NUP210: variants seen among roughly 807,000 people sequenced by gnomAD.
NUP210 encodes nucleoporin 210, also known as nuclear pore membrane glycoprotein 210.
A neutral mutation model predicts 196.0 loss-of-function variants in NUP210; 151 were observed. That is an observed-to-expected ratio of 0.77 (90% CI 0.67 to 0.88). The LOEUF (loss-of-function observed/expected upper bound fraction) is 0.88, where lower values mean the gene tolerates loss of function less well. Among genes scored for constraint, NUP210 ranks in the 40% least tolerant of loss-of-function variants. NUP210 has a pLI of 0.00. For synonymous variants in NUP210, 1,070 were observed against 1,052.7 expected (o/e 1.02, Z -0.32); for missense variants, 2,314 against 2,493.7 (o/e 0.93, Z 1.53).
chr3:13,404,420 G>A (rs1266575908), intron 1 of NUP210, among the ~76,000 whole-genome samples: 1 of 152,156 alleles, frequency 6.6e-6, no homozygotes, highest in Non-Finnish European at 1.5e-5. Context: ...ACCAATATAG[G>A]TTGTTACACA....
At chr3:13,374,137 C>T (rs1178352522) in intron 11 of NUP210, among the ~76,000 whole-genome samples, 4 of 152,102 alleles carry the variant, frequency 2.6e-5, no homozygotes, top group Admixed American at 6.5e-5. Context: ...TACTCACCTG[C>T]TCACACTCAT....
At chr3:13,346,394 T>G (rs1347663992) in intron 20 of NUP210, among the ~76,000 whole-genome samples, 2 of 152,160 alleles carry the variant, frequency 1.3e-5, no homozygotes, top group Non-Finnish European at 2.9e-5. Flanking sequence ...GATTGACACA[T>G]GGGAGAATGT....
At chr3:13,381,274 G>A (rs537962610) in intron 6 of NUP210, among the ~76,000 whole-genome samples, 6 of 152,278 alleles carry the variant, frequency 3.9e-5, no homozygotes, top group East Asian at 1.9e-4. Context: ...AATGAGTAAG[G>A]CCCTTTTGGG....
rs12631796 is a variant in NUP210, at chr3:13,327,374, G to A, written c.4350C>T (p.Ser1450=). Residue 1450 remains serine (S), a synonymous_variant, in exon 32 of 40, where the codon AGC becomes AGT. Transcript: ENST00000254508. ...ACACACGGAGCAGTGTCAGGCCCAC[G>A]CTGACTGTGCGGACAACGCAGGTGT... The part of the protein sequence containing the change: ...TNNTCVVRTV[S]VGLTLLRVWD... The A allele has an allele frequency of 3.8e-5, 62 of 1,613,506 alleles. No homozygotes were observed. In the East Asian group the frequency reaches 8.5e-4, roughly 22 times the overall value.
At chr3:13,394,238 G>T (rs1359708044) in intron 3 of NUP210, among the ~76,000 whole-genome samples, 4 of 152,238 alleles carry the variant, frequency 2.6e-5, no homozygotes, top group African/African-American at 9.6e-5. Context: ...GATGGGATAA[G>T]GAAAGGTGAG....
chr3:13,382,991 A>C (rs559539142), intron 6 of NUP210, among the ~76,000 whole-genome samples: 1 of 152,192 alleles, frequency 6.6e-6, no homozygotes, highest in East Asian at 1.9e-4. Context: ...ATTAAAAAAA[A>C]AAAATTAGCC....
Position 13,404,083 on chromosome 3 carries a change from G to A in NUP210, c.168-4222C>T, listed in dbSNP as rs531620223. Among the ~76,000 whole-genome samples the A allele has an allele frequency of 3.1e-4, 47 of 152,370 alleles. 1 individual carries two copies. Among genetic ancestry groups the A allele is most frequent in the Middle Eastern group, 3.4e-3 (1 of 294 alleles). On this transcript the variant is annotated intron_variant, in intron 1 of 39. Transcript: ENST00000254508. The stretch of plus-strand genomic sequence containing the variant: ...GCTGGTTTTCCTGTGACCAGTGTGA[G>A]TGTTCCTTTCAGTTATCTGACTTCC...
intron 13 of NUP210, among the ~76,000 whole-genome samples, chr3:13,371,250 G>T (rs2124908992): frequency 6.6e-6 from 1 of 152,306 alleles, no homozygotes; most frequent in African/African-American, 2.4e-5. Context: ...TGTGACCTTA[G>T]GCAGCTACAG....
At chr3:13,413,327 G>A (rs1427611440) in intron 1 of NUP210, among the ~76,000 whole-genome samples, 1 of 151,900 alleles carries the variant, frequency 6.6e-6, no homozygotes, top group Non-Finnish European at 1.5e-5. Context: ...AAAGTTAGCC[G>A]GGCGTGGTGG....
intron 25 of NUP210, among the ~76,000 whole-genome samples, chr3:13,339,359 A>G (rs1697363246): frequency 6.6e-6 from 1 of 152,210 alleles, no homozygotes; most frequent in Non-Finnish European, 1.5e-5. Context: ...CACATCACAG[A>G]AGGCTCTTCT....
In NUP210 at chr3:13,323,688, C is replaced by T. The variant is rs976364840; in HGVS notation, c.4645-256G>A. ...CAGCAGCTGACTGGACGCTGAGCAG[C>T]GGGCCTGAATTCATTAATCGATCTG... On this transcript the variant is annotated intron_variant, in intron 33 of 39. Coordinates refer to ENST00000254508, the MANE Select transcript of NUP210 (RefSeq NM_024923.4). This position sits in a 1 kb window ranked among gnomAD's most constrained non-coding sequence, Gnocchi z 4.3. Among the ~76,000 whole-genome samples the T allele has an allele frequency of 7.9e-5, 12 of 152,330 alleles. No homozygotes were observed. Among genetic ancestry groups the T allele is most frequent in the Non-Finnish European group, 1.2e-4 (8 of 68,036 alleles).
intron 27 of NUP210, among the ~76,000 whole-genome samples, 193 bp downstream of exon 27, chr3:13,336,594 C>T (rs1224242100): frequency 6.6e-6 from 1 of 152,174 alleles, no homozygotes; most frequent in East Asian, 1.9e-4. Flanking sequence ...CCTACTCACC[C>T]CGTCTATGTG....
At chr3:13,318,561 G>C (rs1368847064) in intron 39 of NUP210, among the ~76,000 whole-genome samples, 1 of 152,160 alleles carries the variant, frequency 6.6e-6, no homozygotes, top group Non-Finnish European at 1.5e-5. Flanking sequence ...AGTACAGGCT[G>C]GGCACTGCAT....
At position 13,395,203 on chromosome 3, in the gene NUP210, C is replaced by T. The variant is rs557836727; in HGVS notation, c.436+2154G>A. 4.6e-5 allele frequency among the ~76,000 whole-genome samples: 7 copies of T among 152,264 alleles called. No homozygotes were observed. In the South Asian group the frequency reaches 1.0e-3, roughly 23 times the overall value. On this transcript the variant is annotated intron_variant, in intron 3 of 39. Transcript: ENST00000254508. ...GCTGAGGCAGGCACCTCCCCAATCCCGACATCCCCACCACCTACCTGGGGA... is the reference window on the plus strand; with the variant it reads ...GCTGAGGCAGGCACCTCCCCAATCCTGACATCCCCACCACCTACCTGGGGA...
At chr3:13,326,736 G>A (rs1696769090) in intron 32 of NUP210, among the ~76,000 whole-genome samples, 1 of 152,216 alleles carries the variant, frequency 6.6e-6, no homozygotes, top group South Asian at 2.1e-4. Flanking sequence ...TCACTAAAAT[G>A]GTGAATTCAG....
At chr3:13,399,609 C>A (rs1195989617) in intron 2 of NUP210, 116 bp downstream of exon 2, 5 of 1,410,594 alleles carry the variant, frequency 3.5e-6, no homozygotes, top group Non-Finnish European at 4.9e-6. Flanking sequence ...TGTCCTGCCA[C>A]TCAACAAGAG....
chr3:13,341,344 C>T (rs563678239), intron 23 of NUP210, among the ~76,000 whole-genome samples: 1 of 152,144 alleles, frequency 6.6e-6, no homozygotes, highest in Admixed American at 6.5e-5. Context: ...TGCCCACTGC[C>T]CTCGAAGTGC....
intron 20 of NUP210, chr3:13,344,867 G>C (rs1697659805): frequency 1.1e-6 from 1 of 939,972 alleles, no homozygotes; most frequent in Non-Finnish European, 1.3e-6. Context: ...CCACCTGCTG[G>C]CTCCAAGTCA....
At chr3:13,345,773 C>G (rs569606920) in intron 20 of NUP210, among the ~76,000 whole-genome samples, 38 of 152,312 alleles carry the variant, frequency 2.5e-4, no homozygotes, top group South Asian at 2.1e-3. Flanking sequence ...GGTCCAGGAG[C>G]CACCAGGTTT....
Sources: allele counts gnomAD v4.1 joint callset (sites outside exome capture counted in the v4.1 genomes callset), GRCh38; gene constraint gnomAD v4.1.1; non-coding constraint Gnocchi (gnomAD v3.1); transcripts MANE v1.5; gene names NCBI Gene and HGNC (gene_info 2026-07-23, HGNC 2026-07-21).